GNPTAB: variants seen among roughly 807,000 people sequenced by gnomAD.
GNPTAB encodes N-acetylglucosamine-1-phosphotransferase subunits alpha/beta.
Under a neutral mutation model 136.6 loss-of-function variants are expected in GNPTAB, and 92 were observed. The ratio of observed to expected loss-of-function variants is 0.67; its 90% confidence interval spans 0.57 to 0.80. GNPTAB has a LOEUF of 0.80. Ranked by LOEUF, GNPTAB falls within the 30% of genes least tolerant of loss-of-function variation. The pLI is 0.00. For missense variants in GNPTAB, 1,343 were observed against 1,501.8 expected (o/e 0.89, Z 1.75); for synonymous variants, 512 against 535.1 (o/e 0.96, Z 0.60).
chr12:101,829,014 G>C (rs1357144351), intron 1 of GNPTAB, among the ~76,000 whole-genome samples: 1 of 152,158 alleles, frequency 6.6e-6, no homozygotes, highest in Non-Finnish European at 1.5e-5. Context: ...TGCCTTACAA[G>C]TTAACCACAG....
chr12:101,822,239 C>T (rs1442547118), intron 1 of GNPTAB, among the ~76,000 whole-genome samples: 1 of 152,148 alleles, frequency 6.6e-6, no homozygotes, highest in African/African-American at 2.4e-5. Flanking sequence ...CGGTGAAACC[C>T]CGTCTCTACT....
rs1368324878 is a variant in GNPTAB at position 101,761,130 on chromosome 12, C to T, written c.3132G>A (p.Leu1044=). The change falls in exon 15 of 21, where the codon TTG becomes TTA. Residue 1044 remains leucine, a synonymous_variant. Coordinates refer to ENST00000299314, the MANE Select transcript of GNPTAB (RefSeq NM_024312.5). ...TTAGAATAAGACAATACAACACCTG[C>T]AAACTTAACGGCAGTTCGTGAATTC... ...ATRIHELPLS[L]QDLTGLEHML... 49 of 1,610,062 alleles carry T rather than the reference C, an allele frequency of 3.0e-5. No individual in the cohort carries two copies. Among genetic ancestry groups the T allele is most frequent in the Non-Finnish European group, 4.2e-5 (49 of 1,176,432 alleles).
At position 101,762,390 on chromosome 12, in the gene GNPTAB, C is replaced by T. The variant is rs527935552; in HGVS notation, c.2716-627G>A. 4.6e-5 allele frequency among the ~76,000 whole-genome samples: 7 copies of T among 152,298 alleles called. No individual in the cohort carries two copies. In the South Asian group the frequency reaches 1.4e-3, roughly 32 times the overall value. ...TGGTTAGACTGCAGTGAAACAAGCACTGTTGTATACTGTTTGTGGAAATAT... is the reference window on the plus strand; with the variant it reads ...TGGTTAGACTGCAGTGAAACAAGCATTGTTGTATACTGTTTGTGGAAATAT... On this transcript the variant is annotated intron_variant, in intron 13 of 20. Transcript: ENST00000299314.
intron 19 of GNPTAB, among the ~76,000 whole-genome samples, chr12:101,750,971 G>A (rs571145842): frequency 6.6e-6 from 1 of 152,100 alleles, no homozygotes; most frequent in African/African-American, 2.4e-5. Context: ...TTGTCTCCCT[G>A]CCTCCAGTTC....
intron 5 of GNPTAB, among the ~76,000 whole-genome samples, chr12:101,784,584 C>T (rs1162984955): frequency 6.6e-6 from 1 of 151,390 alleles, no homozygotes; most frequent in African/African-American, 2.4e-5. Context: ...ATGGACTTTA[C>T]ATAGACAGAG....
At chr12:101,747,378 C>T (rs2137096019) in intron 20 of GNPTAB, 137 bp from the exon 21 acceptor site, 1 of 661,420 alleles carries the variant, frequency 1.5e-6, no homozygotes, top group Non-Finnish European at 2.7e-6. Context: ...AAACAAATCT[C>T]CATCATTCCT....
At chr12:101,779,678 C>T (rs1188496645) in intron 7 of GNPTAB, 1 of 187,110 alleles carries the variant, frequency 5.3e-6, no homozygotes, top group East Asian at 1.4e-4. Flanking sequence ...GCATTGATGA[C>T]ATTTATGACT....
chr12:101,778,092 C>T (rs77389739), intron 7 of GNPTAB, among the ~76,000 whole-genome samples: 4 of 152,286 alleles, frequency 2.6e-5, no homozygotes, highest in Admixed American at 6.5e-5. Flanking sequence ...CACTCCACCT[C>T]GACCTGCTTA....
rs1359278405 is a variant in GNPTAB, at chr12:101,786,089, C to T, written c.494G>A (p.Ser165Asn). 1.2e-6 allele frequency: 2 copies of T among 1,614,068 alleles called. No homozygotes were observed. The highest frequency in any genetic ancestry group is 1.7e-6 in the Non-Finnish European group (2 of 1,179,978). Residue 165 changes from serine (S) to asparagine (N), a missense_variant, in exon 5 of 21, where the codon AGT (serine) becomes AAT (asparagine). Physicochemically the swap from Ser to Asn is conservative, Grantham distance 46 (BLOSUM62 1). Coordinates refer to ENST00000299314, the MANE Select transcript of GNPTAB (RefSeq NM_024312.5). ...TGGTTTTGCAACATTGAAAATGTCA[C>T]TGGCAGAATGAAAAGAAGGATAAAG... Reference protein sequence around the residue: ...PSLYPSFHSASDIFNVAKPKN... With the variant: ...PSLYPSFHSANDIFNVAKPKN...
chr12:101,829,995 ACCT>A (rs1871280768), intron 1 of GNPTAB, among the ~76,000 whole-genome samples: 1 of 126,500 alleles, frequency 7.9e-6, no homozygotes, highest in Non-Finnish European at 1.6e-5. Flanking sequence ...ACCTTTTGTA[ACCT>A]CCTACCAAAA....
intron 7 of GNPTAB, among the ~76,000 whole-genome samples, chr12:101,771,993 C>G (rs940767201): frequency 1.6e-4 from 24 of 152,246 alleles, no homozygotes; most frequent in African/African-American, 4.6e-4. Context: ...CTGGGAGGAG[C>G]ACCTTCGGCA....
intron 20 of GNPTAB, among the ~76,000 whole-genome samples, chr12:101,747,775 G>C (rs1952756283): frequency 6.6e-6 from 1 of 151,412 alleles, no homozygotes; most frequent in Non-Finnish European, 1.5e-5. Flanking sequence ...GAAGGTGGCA[G>C]GTATGGCAGG....
intron 1 of GNPTAB, among the ~76,000 whole-genome samples, chr12:101,809,279 G>C (rs979767080): frequency 1.8e-4 from 27 of 152,290 alleles, no homozygotes; most frequent in African/African-American, 6.5e-4. Flanking sequence ...CCAAAACACT[G>C]ACAACACCAA....
chr12:101,802,535 C>A (rs1869704146), intron 1 of GNPTAB, among the ~76,000 whole-genome samples: 1 of 151,990 alleles, frequency 6.6e-6, no homozygotes, highest in African/African-American at 2.4e-5. Context: ...GACAAAAACA[C>A]CCCTAAAGAC....
At chr12:101,777,590 T>C (rs1953278410) in intron 7 of GNPTAB, among the ~76,000 whole-genome samples, 1 of 152,206 alleles carries the variant, frequency 6.6e-6, no homozygotes, top group Non-Finnish European at 1.5e-5. Flanking sequence ...AATGCTTCTA[T>C]TATGCAAAGC....
intron 1 of GNPTAB, among the ~76,000 whole-genome samples, chr12:101,815,584 T>C (rs986896451): frequency 2.0e-5 from 3 of 149,990 alleles, no homozygotes; most frequent in African/African-American, 4.9e-5. Flanking sequence ...TGAATAGCCA[T>C]TGCACTCCAG....
At position 101,746,106 on chromosome 12, in the gene GNPTAB, G is replaced by C. The variant is rs1029337440; in HGVS notation, c.*1058C>G. On this transcript the variant is annotated 3_prime_UTR_variant, in exon 21 of 21. Transcript: ENST00000299314. Reference sequence around the variant, plus strand: ...AATGATGGCCTGAGGGTCACATCTGGCTGGTGGGCAGTTTTTGTACAGCTG... The same window carrying C: ...AATGATGGCCTGAGGGTCACATCTGCCTGGTGGGCAGTTTTTGTACAGCTG... The C allele has an allele frequency of 6.6e-6, 1 of 152,172 alleles. No individual in the cohort carries two copies. Among genetic ancestry groups the C allele is most frequent in the Non-Finnish European group, 1.5e-5 (1 of 68,036 alleles). 9.4% of individuals were successfully genotyped at this position (152,172 alleles called of 1,614,324 possible).
chr12:101,786,323 A>T (rs1196811918), intron 4 of GNPTAB, 106 bp from the exon 5 acceptor site: 1 of 844,872 alleles, frequency 1.2e-6, no homozygotes, highest in African/African-American at 1.7e-5. Context: ...TAGCCCATAA[A>T]AAATGATAAT....
At position 101,766,236 on chromosome 12, in the gene GNPTAB, A is replaced by G. The variant is rs754919864; in HGVS notation, c.1467T>C (p.Val489=). Residue 489 remains valine, a synonymous_variant, in exon 12 of 21, where the codon GTT becomes GTC. Transcript: ENST00000299314. ...CTCCACCAAACTGCCAGGGCTGTCC[A>G]ACTCCAATACTCCCAGTACCTCCAC... The part of the protein sequence containing the change: ...AGGGGTGSIG[V]GQPWQFGGGI... 2 of 1,614,172 alleles carry G rather than the reference A, an allele frequency of 1.2e-6. No homozygotes were observed. The highest frequency in any genetic ancestry group is 8.5e-7 in the Non-Finnish European group (1 of 1,180,006).
Sources: gnomAD v4.1 joint callset for allele counts (sites outside exome capture counted in the v4.1 genomes callset) on GRCh38, gnomAD v4.1.1 for gene constraint, MANE v1.5 for transcripts, NCBI Gene and HGNC (gene_info 2026-07-23, HGNC 2026-07-21) for gene names.